ADAMTSL3: variants seen among roughly 807,000 people sequenced by gnomAD.
ADAMTSL3 encodes the protein ADAMTS-like protein 3.
A neutral mutation model predicts 201.7 loss-of-function variants in ADAMTSL3; 128 were observed. The observed-to-expected ratio is 0.63, with a 90% confidence interval of 0.55 to 0.73. ADAMTSL3 has a LOEUF of 0.73. Among genes scored for constraint, ADAMTSL3 ranks in the 30% least tolerant of loss-of-function variants. The probability of loss-of-function intolerance (pLI) is 0.00; values close to 1 mark genes in which losing one functional copy is unlikely to be tolerated. For synonymous variants in ADAMTSL3, 738 were observed against 748.4 expected (o/e 0.99, Z 0.23); for missense variants, 1,990 against 2,119.6 (o/e 0.94, Z 1.20).
chr15:83,655,674 T>A, intron 1 of ADAMTSL3, 55 bp from the exon 2 acceptor site: 1 of 1,342,222 alleles, frequency 7.5e-7, no homozygotes, highest in South Asian at 1.2e-5. Flanking sequence ...TAAGTCACGG[T>A]TTACTGCCAT....
chr15:83,766,767 T>C (rs926900090), intron 3 of ADAMTSL3, among the ~76,000 whole-genome samples: 3 of 152,214 alleles, frequency 2.0e-5, no homozygotes, highest in Non-Finnish European at 4.4e-5. Context: ...TGTTTTATTG[T>C]AAAATTATAC....
At chr15:83,863,464 C>T (rs1039015664) in intron 8 of ADAMTSL3, among the ~76,000 whole-genome samples, 2 of 152,212 alleles carry the variant, frequency 1.3e-5, no homozygotes, top group African/African-American at 2.4e-5. Context: ...AAGAAACTCA[C>T]TCAAAACTGC....
intron 17 of ADAMTSL3, among the ~76,000 whole-genome samples, chr15:83,935,684 A>G (rs1390380030): frequency 6.6e-6 from 1 of 152,130 alleles, no homozygotes; most frequent in Non-Finnish European, 1.5e-5. Flanking sequence ...CCTCATGAGA[A>G]ATAATGAAGC....
intron 6 of ADAMTSL3, among the ~76,000 whole-genome samples, chr15:83,832,735 A>T (rs553624503): frequency 7.2e-5 from 11 of 152,260 alleles, no homozygotes; most frequent in African/African-American, 2.2e-4. Flanking sequence ...TAGACTACAC[A>T]TAAGTCTTGT....
Position 83,824,481 on chromosome 15 carries a change from T to A in ADAMTSL3, c.600+4434T>A, listed in dbSNP as rs953909283. ...CAGTCGATGAACCTACACTGACACA[T>A]CATAATCACCCAAAGTTCATAGTTT... On this transcript the variant is annotated intron_variant, in intron 6 of 29. Coordinates refer to ENST00000286744, the MANE Select transcript of ADAMTSL3 (RefSeq NM_207517.3). Among the ~76,000 whole-genome samples the A allele has an allele frequency of 2.6e-5, 4 of 152,312 alleles. No homozygotes were observed. The South Asian group carries it at 8.3e-4, about 32-fold the overall frequency.
chr15:83,727,634 CA>C (rs1207082683), intron 3 of ADAMTSL3, among the ~76,000 whole-genome samples: 1 of 152,016 alleles, frequency 6.6e-6, no homozygotes, highest in Non-Finnish European at 1.5e-5. Context: ...ACTGGTCATT[CA>C]GAAGCATATT....
intron 28 of ADAMTSL3, among the ~76,000 whole-genome samples, chr15:84,034,550 A>G (rs2068469479): frequency 6.6e-6 from 1 of 152,202 alleles, no homozygotes. Context: ...TGCTGAGGAC[A>G]CAGAAAGTTG....
At chr15:83,847,787 G>T (rs777976016) in intron 7 of ADAMTSL3, among the ~76,000 whole-genome samples, 2 of 152,012 alleles carry the variant, frequency 1.3e-5, no homozygotes, top group Non-Finnish European at 2.9e-5. Context: ...GAGCCACCAT[G>T]CCCTGCCTCG....
intron 5 of ADAMTSL3, among the ~76,000 whole-genome samples, chr15:83,810,816 G>A (rs1442248792): frequency 6.6e-6 from 1 of 152,134 alleles, no homozygotes. Flanking sequence ...TCAGCTCACT[G>A]AAACCTCTGC....
At chr15:83,997,669 A>C (rs1328408100) in intron 23 of ADAMTSL3, among the ~76,000 whole-genome samples, 2 of 152,236 alleles carry the variant, frequency 1.3e-5, no homozygotes, top group Non-Finnish European at 2.9e-5. Context: ...CAAATATAGC[A>C]ACTATTAATG....
chr15:83,692,685 C>CA (rs766382952), intron 2 of ADAMTSL3, among the ~76,000 whole-genome samples: 1,330 of 42,054 alleles, frequency 0.032, 61 homozygotes, highest in East Asian at 0.093. Context: ...GACTCCATCT[C>CA]AAAAAAAAAA....
chr15:83,742,978 G>A (rs2062480616), intron 3 of ADAMTSL3, among the ~76,000 whole-genome samples: 1 of 152,176 alleles, frequency 6.6e-6, no homozygotes, highest in Non-Finnish European at 1.5e-5. Flanking sequence ...AGCATTTGCA[G>A]AGAAGCTTTA....
rs549416001 is a variant in ADAMTSL3 at position 84,029,423 on chromosome 15, G to A, written c.4657-1912G>A. Among the ~76,000 whole-genome samples the A allele has an allele frequency of 2.0e-5, 3 of 152,334 alleles. No individual in the cohort carries two copies. In the South Asian group the frequency reaches 6.2e-4, roughly 32 times the overall value. ...TTTGCCCCTGTCCTAGAGATCTGTG[G>A]AATGTTGAACTTGAGAGAGATGATT... On this transcript the variant is annotated intron_variant, in intron 27 of 29. Coordinates refer to ENST00000286744, the MANE Select transcript of ADAMTSL3 (RefSeq NM_207517.3).
chr15:83,835,938 T>C (rs1298800946), intron 6 of ADAMTSL3, among the ~76,000 whole-genome samples: 1 of 152,240 alleles, frequency 6.6e-6, no homozygotes, highest in Non-Finnish European at 1.5e-5. Context: ...CTGTGTAATA[T>C]TGGCAAATCA....
intron 2 of ADAMTSL3, among the ~76,000 whole-genome samples, chr15:83,688,997 A>AT (rs2061576485): frequency 6.6e-6 from 1 of 151,648 alleles, no homozygotes; most frequent in Non-Finnish European, 1.5e-5. Flanking sequence ...TTGTTTTTGC[A>AT]TTTTTTGTAG....
intron 26 of ADAMTSL3, among the ~76,000 whole-genome samples, chr15:84,022,487 T>C (rs1361360848): frequency 6.6e-6 from 1 of 152,214 alleles, no homozygotes; most frequent in Non-Finnish European, 1.5e-5. Context: ...ATATCTACTT[T>C]TAAAAAATTA....
chr15:83,851,905 C>T (rs1386292547), intron 7 of ADAMTSL3, among the ~76,000 whole-genome samples: 4 of 152,136 alleles, frequency 2.6e-5, no homozygotes, highest in Non-Finnish European at 1.5e-5. Flanking sequence ...CATCCACAAA[C>T]TCCTAACCAG....
chr15:83,922,873 A>C (rs2141987186), intron 16 of ADAMTSL3, among the ~76,000 whole-genome samples: 1 of 152,352 alleles, frequency 6.6e-6, no homozygotes, highest in African/African-American at 2.4e-5. Flanking sequence ...TCTTGCATGA[A>C]AATGAATGCA....
chr15:84,017,011 AG>A (rs2068098533), intron 25 of ADAMTSL3, among the ~76,000 whole-genome samples: 1 of 152,270 alleles, frequency 6.6e-6, no homozygotes, highest in Non-Finnish European at 1.5e-5. Context: ...CTAGAAACGC[AG>A]GAAACCATTA....
Sources: allele counts gnomAD v4.1 joint callset (sites outside exome capture counted in the v4.1 genomes callset), GRCh38; gene constraint gnomAD v4.1.1; transcripts MANE v1.5; gene names NCBI Gene and HGNC (gene_info 2026-07-23, HGNC 2026-07-21).